Variants in UGT1A9 observed in about 807,000 individuals in gnomAD.
UGT1A9 encodes UDP glucuronosyltransferase family 1 member A9.
Under a neutral mutation model 45.0 loss-of-function variants are expected in UGT1A9, and 35 were observed. The observed-to-expected ratio is 0.78, with a 90% CI of 0.59 to 1.03. UGT1A9 has a LOEUF of 1.03. Ranked by LOEUF, UGT1A9 falls within the 50% of genes least tolerant of loss-of-function variation. The probability of loss-of-function intolerance (pLI) is 0.00; values close to 1 mark genes in which losing one functional copy is unlikely to be tolerated. For synonymous variants in UGT1A9, 278 were observed against 250.6 expected, an observed-to-expected ratio of 1.11 and a Z score of -1.03; for missense variants, 687 against 666.6, an observed-to-expected ratio of 1.03 and a Z score of -0.34.
At chr2:233,680,023 C>A (rs970240946) in intron 1 of UGT1A9, among the ~76,000 whole-genome samples, 2 of 152,044 alleles carry the variant, frequency 1.3e-5, no homozygotes. Flanking sequence ...CTCTCTCTCT[C>A]TTTTTTCTTT....
chr2:233,746,306 G>A (rs1693354657), intron 1 of UGT1A9, among the ~76,000 whole-genome samples: 2 of 151,750 alleles, frequency 1.3e-5, no homozygotes, highest in Admixed American at 6.5e-5. Flanking sequence ...TTCCCTTGGA[G>A]GGCCCTGTAG....
intron 1 of UGT1A9, among the ~76,000 whole-genome samples, chr2:233,707,726 C>T (rs1259852102): frequency 6.6e-6 from 1 of 152,168 alleles, no homozygotes; most frequent in Non-Finnish European, 1.5e-5. Flanking sequence ...AACAATGTTA[C>T]AACGAACATT....
At chr2:233,720,631 A>G (rs2076876608) in intron 1 of UGT1A9, among the ~76,000 whole-genome samples, 1 of 151,986 alleles carries the variant, frequency 6.6e-6, no homozygotes. Context: ...TCATTGAAAT[A>G]GTACTCTGGG....
intron 1 of UGT1A9, among the ~76,000 whole-genome samples, chr2:233,702,924 G>A (rs1214715123): frequency 2.0e-5 from 3 of 152,026 alleles, no homozygotes; most frequent in African/African-American, 7.2e-5. Context: ...ATTTTCTTGC[G>A]GAGCCTTGGT....
chr2:233,768,512 T>C (rs1026092471), intron 4 of UGT1A9, 73 bp downstream of exon 4: 15 of 1,552,814 alleles, frequency 9.7e-6, no homozygotes, highest in South Asian at 4.8e-5. Context: ...ATGAAAACAT[T>C]TACGTAGCAT....
At chr2:233,701,472 C>T (rs1331226605) in intron 1 of UGT1A9, among the ~76,000 whole-genome samples, 3 of 152,248 alleles carry the variant, frequency 2.0e-5, no homozygotes, top group South Asian at 4.2e-4. Context: ...AGGAATTGAA[C>T]TCAGCTCTGC....
At chr2:233,754,276 G>C (rs906718442) in intron 1 of UGT1A9, 1 of 190,364 alleles carries the variant, frequency 5.3e-6, no homozygotes, top group Non-Finnish European at 1.1e-5. Context: ...AAAGTGCTGA[G>C]ATGAACATTC....
At chr2:233,754,867 T>C (rs1330580019) in intron 1 of UGT1A9, 1 of 1,351,780 alleles carries the variant, frequency 7.4e-7, no homozygotes, top group South Asian at 1.1e-5. Context: ...GCAGACCCTC[T>C]GCTTCTGCTT....
rs2074360829 is a variant in UGT1A9, at chr2:233,676,441, CT to C, written c.855+3653del. The stretch of plus-strand genomic sequence containing the variant: ...TCCACCATTGTTAAATCTCATGTTT[CT>C]ATGGCACATCCATCACAACTCATTC... On this transcript the variant is annotated intron_variant, in intron 1 of 4. Transcript: ENST00000354728. 9.2e-5 allele frequency among the ~76,000 whole-genome samples: 14 copies of C among 152,324 alleles called. No individual in the cohort carries two copies. The South Asian group carries it at 2.9e-3, about 32-fold the overall frequency.
intron 4 of UGT1A9, 90 bp downstream of exon 4, chr2:233,768,529 G>A (rs1019700183): frequency 2.7e-6 from 4 of 1,508,186 alleles, no homozygotes; most frequent in Non-Finnish European, 3.5e-6. Flanking sequence ...GCATTTAATA[G>A]CGTTGTTTCA....
intron 1 of UGT1A9, chr2:233,708,307 C>G (rs907085580): frequency 7.9e-5 from 12 of 152,182 alleles, no homozygotes; most frequent in African/African-American, 2.9e-4. Context: ...TTTGACAATC[C>G]AATAGGTAAA....
At chr2:233,753,147 TA>T (rs1254691339) in intron 1 of UGT1A9, 35 of 152,236 alleles carry the variant, frequency 2.3e-4, no homozygotes, top group African/African-American at 7.5e-4. Context: ...TTCACACATG[TA>T]AGTTCCCTTA....
Position 233,714,841 on chromosome 2 carries a change from T to C in UGT1A9, c.855+42052T>C, listed in dbSNP as rs560513548. Among the ~76,000 whole-genome samples, 282 of 152,342 alleles carry C rather than the reference T, an allele frequency of 1.9e-3. 2 individuals are homozygous for C. Among genetic ancestry groups the C allele is most frequent in the African/African-American group, 6.5e-3 (270 of 41,588 alleles). ...GTGACAACAATATGGTGAATGTTTATAAATATTCCATGGATAAAACTAAAA... is the reference window on the plus strand; with the variant it reads ...GTGACAACAATATGGTGAATGTTTACAAATATTCCATGGATAAAACTAAAA... On this transcript the variant is annotated intron_variant, in intron 1 of 4. Coordinates refer to ENST00000354728, the MANE Select transcript of UGT1A9 (RefSeq NM_021027.3).
Position 233,767,941 on chromosome 2 carries a change from G to A in UGT1A9, c.1075+5G>A. The A allele has an allele frequency of 1.2e-6, 2 of 1,614,200 alleles. No homozygotes were observed. Among genetic ancestry groups the A allele is most frequent in the South Asian group, 1.1e-5 (1 of 91,084 alleles). On this transcript the variant is annotated splice_donor_5th_base_variant and intron_variant, in intron 3 of 4. Coordinates refer to ENST00000354728, the MANE Select transcript of UGT1A9 (RefSeq NM_021027.3). ...TACCCCAAAACGATCTGCTTGGTAT[G>A]TTGGGCGGATTGGATGTATAGGTCA...
intron 2 of UGT1A9, 118 bp from the exon 3 acceptor site, chr2:233,767,727 TCCTC>T (rs945662817): frequency 4.7e-5 from 73 of 1,556,206 alleles, no homozygotes; most frequent in Non-Finnish European, 6.3e-5. Context: ...CAGTTACTGA[TCCTC>T]CCACTCTGTT....
chr2:233,717,384 C>T (rs1271366561), intron 1 of UGT1A9, among the ~76,000 whole-genome samples: 1 of 152,240 alleles, frequency 6.6e-6, no homozygotes, highest in Non-Finnish European at 1.5e-5. Context: ...CAGACCTGCC[C>T]TCTCTGTGCC....
chr2:233,731,692 C>A (rs936290602), intron 1 of UGT1A9, among the ~76,000 whole-genome samples: 1 of 152,182 alleles, frequency 6.6e-6, no homozygotes. Context: ...CATTGATGGA[C>A]ATTTGGATTG....
chr2:233,767,013 A>C, intron 1 of UGT1A9, 21 bp from the exon 2 acceptor site: 3 of 1,613,858 alleles, frequency 1.9e-6, no homozygotes, highest in Non-Finnish European at 2.5e-6. Flanking sequence ...AATTAACTGA[A>C]AATTTTTCTT....
At chr2:233,768,722 A>G (rs1461787067) in intron 4 of UGT1A9, among the ~76,000 whole-genome samples, 1 of 150,864 alleles carries the variant, frequency 6.6e-6, no homozygotes, top group Non-Finnish European at 1.5e-5. Flanking sequence ...AGCTGGGATT[A>G]CAGGTGTCCA....
Sources: allele counts gnomAD v4.1 joint callset (sites outside exome capture counted in the v4.1 genomes callset), GRCh38; gene constraint gnomAD v4.1.1; transcripts MANE v1.5; gene names NCBI Gene and HGNC (gene_info 2026-07-23, HGNC 2026-07-21).